Variants in CTNNA2 observed in about 807,000 individuals in gnomAD.
CTNNA2 encodes catenin alpha 2.
Under a neutral mutation model 101.0 loss-of-function variants are expected in CTNNA2, and 42 were observed. The ratio of observed to expected loss-of-function variants is 0.42; its 90% confidence interval spans 0.32 to 0.54. The LOEUF is 0.54. Ranked by LOEUF, CTNNA2 falls within the 20% of genes least tolerant of loss-of-function variation. CTNNA2 has a pLI of 0.14. For synonymous variants in CTNNA2, 450 were observed against 456.4 expected, an observed-to-expected ratio of 0.99 and a Z score of 0.18; for missense variants, 871 against 1,223.1, an observed-to-expected ratio of 0.71 and a Z score of 4.29.
At chr2:79,815,512 A>C (rs537206160) in intron 3 of CTNNA2, among the ~76,000 whole-genome samples, 3 of 152,136 alleles carry the variant, frequency 2.0e-5, no homozygotes, top group Non-Finnish European at 4.4e-5. Flanking sequence ...ATTTGTTGAA[A>C]AGAATGTCCT....
intron 1 of CTNNA2, among the ~76,000 whole-genome samples, chr2:79,618,486 C>G (rs1342703438): frequency 6.6e-6 from 1 of 152,014 alleles, no homozygotes; most frequent in Non-Finnish European, 1.5e-5. Context: ...GTTTAGTTCA[C>G]TGATGAGAAA....
intron 2 of CTNNA2, among the ~76,000 whole-genome samples, chr2:79,697,171 A>G (rs1019020668): frequency 6.6e-6 from 1 of 152,016 alleles, no homozygotes; most frequent in Admixed American, 6.6e-5. Flanking sequence ...TTTCATCTGA[A>G]TCCTAATTTT....
intron 2 of CTNNA2, among the ~76,000 whole-genome samples, chr2:79,269,391 G>A (rs1011977441): frequency 4.6e-5 from 7 of 152,188 alleles, no homozygotes; most frequent in Non-Finnish European, 7.4e-5. Flanking sequence ...TTCACTTTTC[G>A]TTCTACCCAA....
intron 7 of CTNNA2, among the ~76,000 whole-genome samples, chr2:80,131,691 CA>C (rs1702422551): frequency 1.3e-5 from 2 of 152,158 alleles, no homozygotes; most frequent in South Asian, 4.1e-4. Context: ...TTCTAAGCCT[CA>C]CCATGTGTTC....
chr2:80,590,201 C>T (rs980994437), intron 15 of CTNNA2, among the ~76,000 whole-genome samples: 4 of 152,168 alleles, frequency 2.6e-5, no homozygotes, highest in African/African-American at 9.7e-5. Context: ...GATGATATCT[C>T]TGCCCTTTCA....
At chr2:79,317,271 GTA>G (rs959605106) in intron 3 of CTNNA2, among the ~76,000 whole-genome samples, 9 of 152,068 alleles carry the variant, frequency 5.9e-5, no homozygotes, top group African/African-American at 2.2e-4. Flanking sequence ...CTTGATTATG[GTA>G]TATGTTTCTT....
intron 7 of CTNNA2, among the ~76,000 whole-genome samples, chr2:80,063,730 C>T (rs1427635719): frequency 6.6e-6 from 1 of 152,244 alleles, no homozygotes; most frequent in Non-Finnish European, 1.5e-5. Flanking sequence ...TAAACCTGAA[C>T]ATTCATTCCA....
chr2:79,750,741 G>C (rs1201286656), intron 3 of CTNNA2, among the ~76,000 whole-genome samples: 3 of 151,930 alleles, frequency 2.0e-5, no homozygotes, highest in Non-Finnish European at 4.4e-5. Flanking sequence ...GGTTGTGGCA[G>C]GCACCTGTAG....
Position 79,858,165 on chromosome 2 carries a change from T to A in CTNNA2, c.451T>A (p.Ser151Thr). The A allele has an allele frequency of 5.0e-6, 8 of 1,612,242 alleles. No homozygotes were observed. Among genetic ancestry groups the A allele is most frequent in the Non-Finnish European group, 6.8e-6 (8 of 1,178,428 alleles). The change falls in exon 4 of 19, where the codon TCC (serine) becomes ACC (threonine). Residue 151 changes from serine (S) to threonine (T), a missense_variant. Ser to Thr is a moderately conservative substitution (Grantham distance 58). Transcript: ENST00000402739. The stretch of plus-strand genomic sequence containing the variant: ...CATGGCAGATGTCATGAGACTTTTA[T>A]CCCATCTGAAAATTGTACGTATGTA... Reference protein sequence around the residue: ...ADMADVMRLLSHLKIVEEALE... With the variant: ...ADMADVMRLLTHLKIVEEALE...
chr2:79,908,526 A>G (rs986296873), intron 6 of CTNNA2, among the ~76,000 whole-genome samples: 3 of 152,102 alleles, frequency 2.0e-5, no homozygotes, highest in Admixed American at 1.3e-4. Flanking sequence ...TCAGGCAGAA[A>G]AGGCTCCCCA....
intron 6 of CTNNA2, among the ~76,000 whole-genome samples, chr2:79,875,382 A>G (rs1682939298): frequency 6.6e-6 from 1 of 152,188 alleles, no homozygotes; most frequent in African/African-American, 2.4e-5. Flanking sequence ...CCTGCAGGGG[A>G]GATGAGGGAA....
chr2:79,833,913 T>C (rs1679114012), intron 3 of CTNNA2, among the ~76,000 whole-genome samples: 1 of 152,208 alleles, frequency 6.6e-6, no homozygotes, highest in South Asian at 2.1e-4. Context: ...TCTAAACTAG[T>C]TCATTTTCTA....
chr2:79,371,786 C>T (rs756378788), intron 3 of CTNNA2, among the ~76,000 whole-genome samples: 1 of 152,036 alleles, frequency 6.6e-6, no homozygotes. Context: ...CTATGACACC[C>T]TTAATGATTC....
intron 2 of CTNNA2, among the ~76,000 whole-genome samples, chr2:79,245,890 C>G (rs927078304): frequency 1.6e-4 from 25 of 152,150 alleles, no homozygotes; most frequent in African/African-American, 5.3e-4. Context: ...GGGACCTCAT[C>G]CCAAAACCCA....
chr2:79,187,270 CTT>C lies in CTNNA2; in HGVS notation c.-524+1855_-524+1856del, dbSNP rs781414965. On this transcript the variant is annotated intron_variant, in intron 1 of 21. Coordinates refer to the CTNNA2 transcript ENST00000466387. Reference sequence around the variant, plus strand: ...CTTTTCTTTTCTTTTCTTTTCTTTTCTTTTTTTTTTTTTTTTTGAGACAGAGT... The same window carrying C: ...CTTTTCTTTTCTTTTCTTTTCTTTTCTTTTTTTTTTTTTTTGAGACAGAGT... 8.0e-3 allele frequency among the ~76,000 whole-genome samples: 525 copies of C among 65,360 alleles called. 2 individuals are homozygous for C. The highest frequency in any genetic ancestry group is 0.036 in the African/African-American group (499 of 13,880). The allele number at this position is 65,360 out of a possible 152,430, so 42.9% of individuals were successfully genotyped here. A position where few individuals can be genotyped will look rare whatever the true frequency, so the allele number is the denominator to read the frequency against.
chr2:79,386,869 T>A (rs1361047518), intron 4 of CTNNA2, among the ~76,000 whole-genome samples: 1 of 152,200 alleles, frequency 6.6e-6, no homozygotes, highest in Non-Finnish European at 1.5e-5. Context: ...TCTTCACACA[T>A]TCATCTTGGT....
At chr2:79,777,892 GTTTTTT>G (rs58015801) in intron 3 of CTNNA2, among the ~76,000 whole-genome samples, 16,722 of 139,762 alleles carry the variant, frequency 0.12, 1,054 homozygotes, top group Admixed American at 0.18. Flanking sequence ...TTTGCATGGG[GTTTTTT>G]TTTTTTTTTT....
intron 16 of CTNNA2, among the ~76,000 whole-genome samples, chr2:80,607,307 A>T (rs1160382169): frequency 6.6e-6 from 1 of 151,888 alleles, no homozygotes; most frequent in Non-Finnish European, 1.5e-5. Context: ...AAGTAGCTCA[A>T]GCTGAACCTT....
chr2:79,883,987 C>T (rs527937522), intron 6 of CTNNA2, among the ~76,000 whole-genome samples: 103 of 152,256 alleles, frequency 6.8e-4, no homozygotes, highest in Non-Finnish European at 1.3e-3. Flanking sequence ...CTGAGAATAA[C>T]ATTTAGTACT....
Sources: gnomAD v4.1 joint callset for allele counts (sites outside exome capture counted in the v4.1 genomes callset) on GRCh38, gnomAD v4.1.1 for gene constraint, MANE v1.5 for transcripts, NCBI Gene and HGNC (gene_info 2026-07-23, HGNC 2026-07-21) for gene names.